Variants in ERC2 observed in about 807,000 individuals in gnomAD.
The protein encoded by ERC2 is ERC protein 2.
In ERC2, 42 loss-of-function variants were observed where a neutral mutation model predicts 114.8. The observed-to-expected ratio is 0.37, with a 90% CI of 0.29 to 0.47. The LOEUF (loss-of-function observed/expected upper bound fraction) is 0.47. Ranked by LOEUF, ERC2 falls within the 20% of genes least tolerant of loss-of-function variation. The probability of loss-of-function intolerance (pLI) is 0.99; values close to 1 mark genes in which losing one functional copy is unlikely to be tolerated. For synonymous variants in ERC2, 454 were observed against 425.5 expected (o/e 1.07, Z -0.82); for missense variants, 939 against 1,150.7 (o/e 0.82, Z 2.66).
intron 17 of ERC2, among the ~76,000 whole-genome samples, chr3:55,528,533 AC>A (rs1430432980): frequency 2.0e-5 from 3 of 152,136 alleles, no homozygotes; most frequent in African/African-American, 7.2e-5. Flanking sequence ...ACTTTATTTG[AC>A]AAAAAAAAAA....
intron 17 of ERC2, among the ~76,000 whole-genome samples, chr3:55,644,219 C>T (rs1001310702): frequency 4.6e-5 from 7 of 152,200 alleles, no homozygotes; most frequent in South Asian, 2.1e-4. Context: ...TAATAATAGT[C>T]GCACTCTCTT....
intron 1 of ERC2, among the ~76,000 whole-genome samples, chr3:56,465,758 A>C (rs2063516544): frequency 6.6e-6 from 1 of 152,258 alleles, no homozygotes; most frequent in South Asian, 2.1e-4. Flanking sequence ...TTTCTACTGG[A>C]AATATATAAT....
chr3:55,796,341 G>C (rs982695550), intron 14 of ERC2, among the ~76,000 whole-genome samples: 2 of 152,232 alleles, frequency 1.3e-5, no homozygotes, highest in African/African-American at 4.8e-5. Context: ...AGCGATCCAA[G>C]ACACAAAAAG....
intron 17 of ERC2, among the ~76,000 whole-genome samples, chr3:55,663,954 C>T (rs1014019669): frequency 5.9e-5 from 9 of 152,270 alleles, no homozygotes; most frequent in Non-Finnish European, 7.4e-5. Context: ...GTAAACTACG[C>T]GCTTGTTTGT....
chr3:56,055,744 T>C (rs1420043775), intron 7 of ERC2, among the ~76,000 whole-genome samples: 1 of 152,178 alleles, frequency 6.6e-6, no homozygotes, highest in Non-Finnish European at 1.5e-5. Flanking sequence ...CTTCTTATTT[T>C]CAGTGAATTC....
chr3:55,751,920 A>G (rs1486343276), intron 14 of ERC2, among the ~76,000 whole-genome samples: 1 of 152,234 alleles, frequency 6.6e-6, no homozygotes, highest in Non-Finnish European at 1.5e-5. Flanking sequence ...TAGCAAAAAG[A>G]GGAAGTGTTA....
chr3:56,291,057 A>G (rs764589216), intron 3 of ERC2, among the ~76,000 whole-genome samples: 15 of 152,238 alleles, frequency 9.9e-5, no homozygotes, highest in Non-Finnish European at 2.2e-4. Context: ...AAAGACCCCT[A>G]TCTCTCTTCT....
intron 13 of ERC2, among the ~76,000 whole-genome samples, chr3:55,931,456 C>A (rs2066081730): frequency 6.6e-6 from 1 of 152,124 alleles, no homozygotes; most frequent in Non-Finnish European, 1.5e-5. Flanking sequence ...TTTTCAGGGA[C>A]ATGGATGAAG....
chr3:55,520,985 G>A (rs1210263272), intron 17 of ERC2, among the ~76,000 whole-genome samples: 8 of 152,108 alleles, frequency 5.3e-5, no homozygotes, highest in Admixed American at 5.2e-4. Context: ...GAAACATGAA[G>A]GAACAATTTG....
chr3:55,524,507 T>G (rs1324849779), intron 17 of ERC2, among the ~76,000 whole-genome samples: 1 of 150,992 alleles, frequency 6.6e-6, no homozygotes, highest in African/African-American at 2.4e-5. Context: ...GTGGTTTTTT[T>G]TTTTTTTTTT....
chr3:55,543,992 A>G (rs1273030887), intron 17 of ERC2, among the ~76,000 whole-genome samples: 1 of 152,146 alleles, frequency 6.6e-6, no homozygotes, highest in Non-Finnish European at 1.5e-5. Context: ...CATCCAGATG[A>G]TGAGGTGGCT....
intron 10 of ERC2, among the ~76,000 whole-genome samples, chr3:56,004,307 G>A (rs191098239): frequency 1.5e-4 from 23 of 152,042 alleles, no homozygotes; most frequent in Middle Eastern, 3.4e-3. Flanking sequence ...GGATGAATGC[G>A]CTTAATTACA....
intron 14 of ERC2, among the ~76,000 whole-genome samples, chr3:55,752,968 G>T (rs942724935): frequency 2.6e-5 from 4 of 152,248 alleles, no homozygotes; most frequent in African/African-American, 7.2e-5. Context: ...ACTGGTGCTC[G>T]GATGTTTATT....
At chr3:56,399,233 C>T (rs1047907422) in intron 2 of ERC2, among the ~76,000 whole-genome samples, 1 of 152,328 alleles carries the variant, frequency 6.6e-6, no homozygotes, top group Non-Finnish European at 1.5e-5. Flanking sequence ...CAATCCAAAA[C>T]CATTAGAGCC....
At chr3:55,853,593 A>G (rs992465174) in intron 14 of ERC2, among the ~76,000 whole-genome samples, 3 of 152,232 alleles carry the variant, frequency 2.0e-5, no homozygotes, top group Non-Finnish European at 4.4e-5. Context: ...TGAATTAGAT[A>G]TACTCTAATC....
chr3:56,396,639 C>T (rs986732113), intron 2 of ERC2, among the ~76,000 whole-genome samples: 15 of 152,110 alleles, frequency 9.9e-5, no homozygotes, highest in African/African-American at 3.6e-4. Flanking sequence ...GATGGGATTT[C>T]CATTTTCTAA....
chr3:56,418,952 C>T (rs954875739), intron 2 of ERC2, among the ~76,000 whole-genome samples: 16 of 152,180 alleles, frequency 1.1e-4, no homozygotes, highest in African/African-American at 3.4e-4. Context: ...ATAAACTAGG[C>T]AAGAAGCTTT....
intron 8 of ERC2, 135 bp from the exon 9 acceptor site, chr3:56,010,724 T>G (rs956175552): frequency 1.9e-6 from 2 of 1,045,560 alleles, no homozygotes; most frequent in South Asian, 3.9e-5. Flanking sequence ...AAAATCAAAA[T>G]TGGATTCGTG....
At chr3:55,606,586 T>C (rs2058652768) in intron 17 of ERC2, 1 of 152,192 alleles carries the variant, frequency 6.6e-6, no homozygotes, top group Non-Finnish European at 1.5e-5. Context: ...CCTAGATTAT[T>C]GTTCTACACT....
Sources: allele counts gnomAD v4.1 joint callset (sites outside exome capture counted in the v4.1 genomes callset), GRCh38; gene constraint gnomAD v4.1.1; transcripts MANE v1.5; gene names NCBI Gene and HGNC (gene_info 2026-07-23, HGNC 2026-07-21).